C6orf89: variants seen among roughly 807,000 people sequenced by gnomAD.
C6orf89 encodes the protein chromosome 6 open reading frame 89.
A neutral mutation model predicts 40.7 loss-of-function variants in C6orf89; 29 were observed. The ratio of observed to expected loss-of-function variants is 0.71; its 90% CI spans 0.53 to 0.97. The LOEUF (loss-of-function observed/expected upper bound fraction) is 0.97, where lower values mean the gene tolerates loss of function less well. Ranked by LOEUF, C6orf89 falls within the 50% of genes least tolerant of loss-of-function variation. The probability of loss-of-function intolerance (pLI) is 0.00; values close to 1 mark genes in which losing one functional copy is unlikely to be tolerated. For synonymous variants in C6orf89, 165 were observed against 152.2 expected, an observed-to-expected ratio of 1.08 and a Z score of -0.62; for missense variants, 392 against 429.1, an observed-to-expected ratio of 0.91 and a Z score of 0.76.
intron 4 of C6orf89, among the ~76,000 whole-genome samples, chr6:36,911,687 C>T (rs375904610): frequency 6.6e-6 from 1 of 151,966 alleles, no homozygotes; most frequent in African/African-American, 2.4e-5. Context: ...GAATATGACA[C>T]GCTACTACAG....
chr6:36,906,312 T>G (rs757838513), intron 4 of C6orf89, among the ~76,000 whole-genome samples: 5 of 152,218 alleles, frequency 3.3e-5, no homozygotes, highest in Non-Finnish European at 5.9e-5. Context: ...AAGCTTACCT[T>G]CTGTGATAAT....
intron 6 of C6orf89, among the ~76,000 whole-genome samples, 156 bp downstream of exon 6, chr6:36,914,849 G>C (rs571512504): frequency 9.2e-4 from 140 of 152,330 alleles, no homozygotes; most frequent in African/African-American, 3.3e-3. Flanking sequence ...AATTAGCCAG[G>C]TATGGTGGTG....
At chr6:36,883,219 G>A (rs563381860), upstream of C6orf89, 8 of 152,316 alleles carry the variant, frequency 5.3e-5, no homozygotes, top group Non-Finnish European at 1.5e-5. Flanking sequence ...GAGAACACCA[G>A]AGAAAGAGAA....
At chr6:36,874,603 CGCCCCTCCACGT>C in intron 1 of C6orf89, 1 of 1,390,160 alleles carries the variant, frequency 7.2e-7, no homozygotes, top group South Asian at 1.2e-5. Flanking sequence ...CGCTGCTCCA[CGCCCCTCCACGT>C]GGAGGCCGGC....
Position 36,894,583 on chromosome 6 carries a change from T to C in C6orf89, c.-40T>C. 1.0e-6 allele frequency: 1 copy of C among 985,216 alleles called. No individual in the cohort carries two copies. The highest frequency in any genetic ancestry group is 1.2e-6 in the Non-Finnish European group (1 of 829,802). The allele number at this position is 985,216 out of a possible 1,614,324, so 61.0% of individuals were successfully genotyped here. ...GACACGTGGTTTCCGAACTGCCAGC[T>C]CAGAATAGGAAAATAACTTGGTAAG... On this transcript the variant is annotated 5_prime_UTR_variant, in exon 2 of 9. Coordinates refer to ENST00000480824, the MANE Select transcript of C6orf89 (RefSeq NM_001286635.2).
upstream of C6orf89, among the ~76,000 whole-genome samples, chr6:36,884,214 A>G (rs1465679939): frequency 6.6e-6 from 1 of 152,212 alleles, no homozygotes. This position sits in a 1 kb window ranked among gnomAD's most constrained non-coding sequence, Gnocchi z 4.0. Context: ...GTGAGCTGAG[A>G]TCGCCGCTGC....
intron 4 of C6orf89, among the ~76,000 whole-genome samples, chr6:36,903,712 T>C (rs1478665829): frequency 6.6e-6 from 1 of 152,198 alleles, no homozygotes; most frequent in East Asian, 1.9e-4. Context: ...TAATGAGTCA[T>C]AAAAATCATC....
chr6:36,901,321 AT>A (rs60381134), intron 3 of C6orf89, among the ~76,000 whole-genome samples: 20 of 18,992 alleles, frequency 1.1e-3, no homozygotes, highest in South Asian at 5.0e-3. Context: ...TATTATTATT[AT>A]TTTTTTTTTT....
At chr6:36,912,019 C>T (rs986610073) in intron 4 of C6orf89, among the ~76,000 whole-genome samples, 1 of 151,610 alleles carries the variant, frequency 6.6e-6, no homozygotes, top group Non-Finnish European at 1.5e-5. Context: ...TCTAGGGCAC[C>T]CTAATCACAA....
chr6:36,909,634 T>C (rs866811445), intron 4 of C6orf89, among the ~76,000 whole-genome samples: 2 of 152,002 alleles, frequency 1.3e-5, no homozygotes, highest in East Asian at 3.9e-4. Context: ...TACAAAAAAT[T>C]AGCCATATAT....
At chr6:36,884,874 A>ATGT (rs1180422081), upstream of C6orf89, among the ~76,000 whole-genome samples, 1 of 152,190 alleles carries the variant, frequency 6.6e-6, no homozygotes, top group Admixed American at 6.5e-5. The surrounding 1 kb of genome is among the most constrained non-coding windows in gnomAD (Gnocchi z 4.0). Context: ...TTTCTCCTGT[A>ATGT]AACAGATGTT....
upstream of C6orf89, among the ~76,000 whole-genome samples, chr6:36,884,856 C>T (rs182629311): frequency 5.9e-5 from 9 of 152,280 alleles, no homozygotes; most frequent in African/African-American, 7.2e-5. This position sits in a 1 kb window ranked among gnomAD's most constrained non-coding sequence, Gnocchi z 4.0. Flanking sequence ...CTAGAACAGA[C>T]CAGGTTTTTT....
intron 8 of C6orf89, among the ~76,000 whole-genome samples, chr6:36,920,346 A>G (rs1762470549): frequency 6.6e-6 from 1 of 152,186 alleles, no homozygotes; most frequent in South Asian, 2.1e-4. Context: ...GTTTGAATCC[A>G]CTGCTGTCAG....
chr6:36,872,112 T>G, intron 1 of C6orf89: 1 of 352,762 alleles, frequency 2.8e-6, no homozygotes. Flanking sequence ...ATAACAAGCA[T>G]GGAGAACTCA....
chr6:36,918,446 TCAC>T (rs1762398939), intron 7 of C6orf89, among the ~76,000 whole-genome samples: 1 of 152,220 alleles, frequency 6.6e-6, no homozygotes, highest in Non-Finnish European at 1.5e-5. Flanking sequence ...GCTGTCCCTG[TCAC>T]CACATTAGCC....
At position 36,902,435 on chromosome 6, in the gene C6orf89, G is replaced by A. The variant is rs1561866764; in HGVS notation, c.403+1G>A. The stretch of plus-strand genomic sequence containing the variant: ...GGTGATGAAGACAGACCCTTTCCAG[G>A]TAAAATGCAACATTTATTACTTATT... On this transcript the variant is annotated splice_donor_variant, in intron 4 of 8. Coordinates refer to ENST00000480824, the MANE Select transcript of C6orf89 (RefSeq NM_001286635.2). LOFTEE classifies it high-confidence loss of function. The A allele has an allele frequency of 1.9e-6, 3 of 1,612,964 alleles. No individual in the cohort carries two copies.
intron 4 of C6orf89, among the ~76,000 whole-genome samples, chr6:36,908,877 A>T (rs1415222033): frequency 6.6e-6 from 1 of 152,212 alleles, no homozygotes; most frequent in African/African-American, 2.4e-5. Context: ...CTGTGTCAGC[A>T]TAACTTCAGC....
chr6:36,894,556 GGGACA>G lies in C6orf89; in HGVS notation c.-66_-62del. The G allele has an allele frequency of 1.0e-6, 1 of 985,422 alleles. No homozygotes were observed. The highest frequency in any genetic ancestry group is 4.7e-5 in the South Asian group (1 of 21,292). 61.0% of individuals were successfully genotyped at this position (985,422 alleles called of 1,614,324 possible). A position where few individuals can be genotyped will look rare whatever the true frequency, so the allele number is the denominator to read the frequency against. ...TTCTCAGCCGCTCAGTTGTGATCAA[GGGACA>G]CGTGGTTTCCGAACTGCCAGCTCAG... On this transcript the variant is annotated 5_prime_UTR_variant, in exon 2 of 9. The change abolishes the stop of an existing upstream ORF in the 5' untranslated region. Transcript: ENST00000480824.
At chr6:36,881,960 T>C (rs78026086), upstream of C6orf89, among the ~76,000 whole-genome samples, 3 of 152,224 alleles carry the variant, frequency 2.0e-5, no homozygotes, top group Middle Eastern at 0.01. Context: ...AATACACTAA[T>C]GGAAACATAA....
Sources: gnomAD v4.1 joint callset for allele counts (sites outside exome capture counted in the v4.1 genomes callset) on GRCh38, gnomAD v4.1.1 for gene constraint, Gnocchi (gnomAD v3.1) non-coding constraint, MANE v1.5 for transcripts, NCBI Gene and HGNC (gene_info 2026-07-23, HGNC 2026-07-21) for gene names.